The following SNTG1 variants were observed in gnomAD, a reference collection of about 807,000 sequenced individuals.
SNTG1 encodes the protein syntrophin gamma 1, also known as gamma-1-syntrophin.
In SNTG1, 39 loss-of-function variants were observed where a neutral mutation model predicts 74.7. The ratio of observed to expected loss-of-function variants is 0.52; its 90% confidence interval spans 0.40 to 0.68. The LOEUF (loss-of-function observed/expected upper bound fraction) is 0.68. Among genes scored for constraint, SNTG1 ranks in the 30% least tolerant of loss-of-function variants. The probability of loss-of-function intolerance (pLI) is 0.00; values close to 1 mark genes in which losing one functional copy is unlikely to be tolerated. For missense variants in SNTG1, 685 were observed against 609.5 expected (o/e 1.12, Z -1.30); for synonymous variants, 254 against 217.1 (o/e 1.17, Z -1.49).
intron 4 of SNTG1, among the ~76,000 whole-genome samples, chr8:50,404,489 T>G (rs2092845248): frequency 6.6e-6 from 1 of 152,062 alleles, no homozygotes; most frequent in African/African-American, 2.4e-5. Flanking sequence ...TTGGAGTGTT[T>G]ATTCTACCTG....
intron 8 of SNTG1, among the ~76,000 whole-genome samples, chr8:50,472,590 G>A (rs370822318): frequency 2.3e-4 from 35 of 152,074 alleles, no homozygotes; most frequent in African/African-American, 8.0e-4. Context: ...ACAGAGAAAA[G>A]CTTTATACCA....
chr8:50,792,531 T>G, intron 18 of SNTG1, 140 bp from the exon 19 acceptor site: 1 of 880,238 alleles, frequency 1.1e-6, no homozygotes. Flanking sequence ...CAAAAATGTC[T>G]ACATTTGAAA....
At chr8:50,690,002 T>A (rs1038287305) in intron 15 of SNTG1, among the ~76,000 whole-genome samples, 24 of 152,230 alleles carry the variant, frequency 1.6e-4, no homozygotes, top group Admixed American at 1.4e-3. Flanking sequence ...GAGGAATTTA[T>A]CCATTTCTTC....
chr8:50,565,596 T>C (rs1380333987), intron 12 of SNTG1, among the ~76,000 whole-genome samples: 1 of 152,074 alleles, frequency 6.6e-6, no homozygotes, highest in African/African-American at 2.4e-5. Context: ...CATCCATGTA[T>C]TAATTCAGCA....
intron 1 of SNTG1, among the ~76,000 whole-genome samples, chr8:50,028,641 G>A (rs1338641088): frequency 6.6e-6 from 1 of 151,808 alleles, no homozygotes; most frequent in Non-Finnish European, 1.5e-5. Flanking sequence ...CCTAATGCTA[G>A]ATGACGAGTT....
chr8:50,479,214 A>T (rs2093720372), intron 8 of SNTG1, among the ~76,000 whole-genome samples: 1 of 152,146 alleles, frequency 6.6e-6, no homozygotes, highest in African/African-American at 2.4e-5. Flanking sequence ...TGATTTTGTG[A>T]TAATAATCTT....
At chr8:50,458,111 C>A (rs1465161698) in intron 8 of SNTG1, 2 of 151,998 alleles carry the variant, frequency 1.3e-5, no homozygotes, top group East Asian at 3.9e-4. Context: ...ATTTGCTTTT[C>A]AGTGTCTCAC....
At chr8:49,914,589 TTACTTGTATATTCTAATGTAATTA>T in intron 1 of SNTG1, among the ~76,000 whole-genome samples, 1 of 152,208 alleles carries the variant, frequency 6.6e-6, no homozygotes, top group African/African-American at 2.4e-5. Context: ...TATATAAATA[TTACTTGTATATTCTAATGTAATTA>T]TTCATACCAT....
chr8:50,490,817 G>C (rs1411272772), intron 8 of SNTG1: 1 of 152,524 alleles, frequency 6.6e-6, no homozygotes, highest in Non-Finnish European at 1.5e-5. Context: ...GCCTGGGCCT[G>C]GGTCCCACGT....
At position 50,283,719 on chromosome 8, in the gene SNTG1, A is replaced by ATTTTG. The variant is rs2088605690; in HGVS notation, c.-27-110492_-27-110491insTTTGT. 1.1e-4 allele frequency among the ~76,000 whole-genome samples: 16 copies of ATTTTG among 152,288 alleles called. 1 individual carries two copies. The highest frequency in any genetic ancestry group is 3.8e-4 in the African/African-American group (16 of 41,578). ...CCAAATCATTTCTTCAAAAGGGCACATAGTTCTGTATTTCCCAAGCTGTTC... is the reference window on the plus strand; with the variant it reads ...CCAAATCATTTCTTCAAAAGGGCACATTTTGTAGTTCTGTATTTCCCAAGCTGTTC... On this transcript the variant is annotated intron_variant, in intron 2 of 18. Transcript: ENST00000642720.
At chr8:50,614,545 TATG>T (rs1308079453) in intron 13 of SNTG1, among the ~76,000 whole-genome samples, 1 of 152,136 alleles carries the variant, frequency 6.6e-6, no homozygotes, top group Non-Finnish European at 1.5e-5. Flanking sequence ...AGTAGAATGC[TATG>T]ATAACATTTG....
At chr8:50,041,194 C>A (rs966792157) in intron 1 of SNTG1, among the ~76,000 whole-genome samples, 1 of 152,134 alleles carries the variant, frequency 6.6e-6, no homozygotes, top group Admixed American at 6.5e-5. Flanking sequence ...CCACACCTGG[C>A]CAAGGAGCAT....
In SNTG1 at chr8:50,539,088, C is replaced by T. The variant is rs1302678061; in HGVS notation, c.680+2280C>T. On this transcript the variant is annotated intron_variant, in intron 11 of 18. Coordinates refer to ENST00000642720, the MANE Select transcript of SNTG1 (RefSeq NM_018967.5). Reference sequence around the variant, plus strand: ...TTTGTTTCAAGAAAACTTGTAATTGCCTGTTGAAGCATTTTTAGGATGGTT... The same window carrying T: ...TTTGTTTCAAGAAAACTTGTAATTGTCTGTTGAAGCATTTTTAGGATGGTT... Among the ~76,000 whole-genome samples, 2 of 151,654 alleles carry T rather than the reference C, an allele frequency of 1.3e-5. 1 individual carries two copies. The highest frequency in any genetic ancestry group is 1.3e-4 in the Admixed American group (2 of 15,226).
At chr8:50,110,992 C>T (rs1223929506) in intron 1 of SNTG1, among the ~76,000 whole-genome samples, 1 of 152,122 alleles carries the variant, frequency 6.6e-6, no homozygotes, top group Admixed American at 6.6e-5. Flanking sequence ...AACCAGGTAT[C>T]ATTTATTTAA....
intron 1 of SNTG1, among the ~76,000 whole-genome samples, chr8:49,956,487 G>T (rs1182347094): frequency 3.9e-5 from 6 of 152,130 alleles, no homozygotes; most frequent in South Asian, 4.1e-4. Context: ...AAATTGGATG[G>T]GTCATGTACA....
intron 18 of SNTG1, among the ~76,000 whole-genome samples, chr8:50,769,619 T>C (rs1183532439): frequency 6.6e-6 from 1 of 152,030 alleles, no homozygotes; most frequent in African/African-American, 2.4e-5. Flanking sequence ...ATTTGCACAA[T>C]AAAGTAAGAC....
chr8:50,619,580 A>C (rs1305707099), intron 13 of SNTG1, among the ~76,000 whole-genome samples: 1 of 151,970 alleles, frequency 6.6e-6, no homozygotes, highest in Non-Finnish European at 1.5e-5. Flanking sequence ...AAGTATAAAA[A>C]ATTAGCTGGG....
chr8:50,615,650 T>A (rs2094880835), intron 13 of SNTG1, among the ~76,000 whole-genome samples: 1 of 152,116 alleles, frequency 6.6e-6, no homozygotes. Context: ...TCAGAGTGCA[T>A]CAAGAGACAG....
rs140574427 is a variant in SNTG1 at position 50,438,572 on chromosome 8, A to T, written c.192A>T (p.Thr64=). The change falls in exon 5 of 19, where the codon ACA becomes ACT. Residue 64 remains threonine, a synonymous_variant. Coordinates refer to ENST00000642720, the MANE Select transcript of SNTG1 (RefSeq NM_018967.5). ...GAACGGTGACCATCAGAAGACAAACAGTAGGAGGATTTGGATTAAGCATAA... is the reference window on the plus strand; with the variant it reads ...GAACGGTGACCATCAGAAGACAAACTGTAGGAGGATTTGGATTAAGCATAA... ...GERTVTIRRQ[T]VGGFGLSIKG... The T allele has an allele frequency of 1.3e-3, 2,160 of 1,613,328 alleles. 1 individual carries two copies. Among genetic ancestry groups the T allele is most frequent in the Non-Finnish European group, 1.7e-3 (2,019 of 1,179,562 alleles).
Sources: gnomAD v4.1 joint callset for allele counts (sites outside exome capture counted in the v4.1 genomes callset) on GRCh38, gnomAD v4.1.1 for gene constraint, MANE v1.5 for transcripts, NCBI Gene and HGNC (gene_info 2026-07-23, HGNC 2026-07-21) for gene names.